The following SMYD1 variants were observed in gnomAD, a reference collection of about 807,000 sequenced individuals.
SMYD1 encodes histone-lysine N-methyltransferase SMYD1.
A neutral mutation model predicts 54.0 loss-of-function variants in SMYD1; 49 were observed. The ratio of observed to expected loss-of-function variants is 0.91; its 90% CI spans 0.72 to 1.15. The LOEUF (loss-of-function observed/expected upper bound fraction) is 1.15, where lower values mean the gene tolerates loss of function less well. SMYD1 is among the 50% of genes most tolerant of loss of function. The probability of loss-of-function intolerance (pLI) is 0.00; values close to 1 mark genes in which losing one functional copy is unlikely to be tolerated. For synonymous variants in SMYD1, 269 were observed against 234.2 expected, an observed-to-expected ratio of 1.15 and a Z score of -1.36; for missense variants, 653 against 639.6, an observed-to-expected ratio of 1.02 and a Z score of -0.23.
In SMYD1 at chr2:88,111,843, G is replaced by T; in HGVS notation, c.*1331G>T. On this transcript the variant is annotated 3_prime_UTR_variant, in exon 10 of 10. Coordinates refer to ENST00000419482, the MANE Select transcript of SMYD1 (RefSeq NM_198274.4). The stretch of plus-strand genomic sequence containing the variant: ...GGAAAAGATCCCTTCAGTTTGGGGT[G>T]TCACCAAGACTTCTACACAACCCAG... 1 of 461,360 alleles carries T rather than the reference G, an allele frequency of 2.2e-6. No homozygotes were observed. Among genetic ancestry groups the T allele is most frequent in the East Asian group, 3.3e-5 (1 of 30,480 alleles). The allele number at this position is 461,360 out of a possible 1,614,324, so 28.6% of individuals were successfully genotyped here.
chr2:88,073,241 G>T (rs925479895), intron 1 of SMYD1, among the ~76,000 whole-genome samples: 1 of 152,172 alleles, frequency 6.6e-6, no homozygotes, highest in African/African-American at 2.4e-5. Context: ...ACGTGATTTT[G>T]TTCTTTTTTA....
At chr2:88,102,059 A>T (rs1023739572) in intron 6 of SMYD1, among the ~76,000 whole-genome samples, 1 of 151,676 alleles carries the variant, frequency 6.6e-6, no homozygotes, top group African/African-American at 2.4e-5. Flanking sequence ...GGTTCTAGGG[A>T]TTTCTTTTTT....
chr2:88,069,689 A>G (rs779650836), intron 1 of SMYD1, among the ~76,000 whole-genome samples: 1 of 152,242 alleles, frequency 6.6e-6, no homozygotes, highest in Non-Finnish European at 1.5e-5. Flanking sequence ...AGGCATTGTC[A>G]TTTTAGAAAA....
chr2:88,079,623 T>A (rs1674143233), intron 1 of SMYD1, among the ~76,000 whole-genome samples: 1 of 152,116 alleles, frequency 6.6e-6, no homozygotes, highest in Non-Finnish European at 1.5e-5. Context: ...AGTTCCAGAC[T>A]AGCCTGACCA....
At chr2:88,108,574 G>A in intron 9 of SMYD1, 35 bp downstream of exon 9, 1 of 1,525,954 alleles carries the variant, frequency 6.6e-7, no homozygotes. Context: ...TTCCCTTCCT[G>A]GCCTGAGCTT....
rs113530320 is a variant in SMYD1, at chr2:88,108,410, C to T, written c.1185C>T (p.Ala395=). 6.7e-4 allele frequency: 1,083 copies of T among 1,608,992 alleles called. No individual in the cohort carries two copies. Among genetic ancestry groups the T allele is most frequent in the Middle Eastern group, 2.2e-3 (13 of 6,038 alleles). The change falls in exon 9 of 10, where the codon GCC becomes GCT. Residue 395 remains alanine (A), a synonymous_variant. Transcript: ENST00000419482. The part of the protein sequence containing the change: ...YHPNNAQLGM[A]VMRAGLTNWH... ...CCAACAATGCCCAACTGGGCATGGCCGTGATGCGGGCAGGGCTGACCAACT... is the reference window on the plus strand; with the variant it reads ...CCAACAATGCCCAACTGGGCATGGCTGTGATGCGGGCAGGGCTGACCAACT...
intron 7 of SMYD1, among the ~76,000 whole-genome samples, chr2:88,104,068 G>A (rs924821261): frequency 1.3e-4 from 20 of 151,060 alleles, no homozygotes; most frequent in Non-Finnish European, 2.2e-4. Context: ...CCAGGTTCAC[G>A]CCATTCTCCT....
At position 88,112,032 on chromosome 2, in the gene SMYD1, T is replaced by C; in HGVS notation, c.*1520T>C. 1.4e-6 allele frequency: 1 copy of C among 702,846 alleles called. No individual in the cohort carries two copies. Among genetic ancestry groups the C allele is most frequent in the African/African-American group, 1.7e-5 (1 of 57,352 alleles). The allele number at this position is 702,846 out of a possible 1,614,324, so 43.5% of individuals were successfully genotyped here. On this transcript the variant is annotated 3_prime_UTR_variant, in exon 10 of 10. Transcript: ENST00000419482. ...ACCCAGTGGCTGAAAACTCTGCAAA[T>C]GGGCCACACTTTTGCAAAATACTTG...
At chr2:88,089,457 T>C (rs1674413485) in intron 3 of SMYD1, among the ~76,000 whole-genome samples, 1 of 152,194 alleles carries the variant, frequency 6.6e-6, no homozygotes, top group South Asian at 2.1e-4. Flanking sequence ...GCTTTCAGTA[T>C]TTCTATTTTA....
chr2:88,106,463 G>A lies in SMYD1; in HGVS notation c.1120G>A (p.Ala374Thr), dbSNP rs767776742. The stretch of plus-strand genomic sequence containing the variant: ...GGCCTTTGAGGAGGCCTCGTTCTAT[G>A]CCAGGAGGATGGTGGACGGCTATAT... Reference protein sequence around the residue: ...LQAFEEASFYARRMVDGYMKL... With the variant: ...LQAFEEASFYTRRMVDGYMKL... The change falls in exon 8 of 10, where the codon GCC becomes ACC. Residue 374 changes from alanine to threonine, a missense_variant. Ala to Thr is a moderately conservative substitution (Grantham distance 58, BLOSUM62 0). Transcript: ENST00000419482. 4 of 1,614,136 alleles carry A rather than the reference G, an allele frequency of 2.5e-6. No homozygotes were observed. Among genetic ancestry groups the A allele is most frequent in the Non-Finnish European group, 3.4e-6 (4 of 1,179,984 alleles).
At position 88,088,054 on chromosome 2, in the gene SMYD1, C is replaced by G; in HGVS notation, c.507C>G (p.Tyr169Ter). The G allele has an allele frequency of 1.9e-6, 3 of 1,613,876 alleles. No homozygotes were observed. Among genetic ancestry groups the G allele is most frequent in the Non-Finnish European group, 2.5e-6 (3 of 1,179,858 alleles). ...AGAGCCAGCAGTTCAGCATGCAGTACATCTCGCACATCTTCGGAGTGGTAG... is the reference window on the plus strand; with the variant it reads ...AGAGCCAGCAGTTCAGCATGCAGTAGATCTCGCACATCTTCGGAGTGGTAG... ...PPQSQQFSMQ[Y>*]ISHIFGVINC... Residue 169 changes from tyrosine to a stop codon, truncating the protein, a stop_gained, in exon 3 of 10, where the codon TAC (tyrosine) becomes TAG (stop). Coordinates refer to ENST00000419482, the MANE Select transcript of SMYD1 (RefSeq NM_198274.4). LOFTEE classifies it high-confidence loss of function.
rs990811338 is a variant in SMYD1 at position 88,089,594 on chromosome 2, T to G, written c.529-1418T>G. On this transcript the variant is annotated intron_variant, in intron 3 of 9. Transcript: ENST00000419482. The stretch of plus-strand genomic sequence containing the variant: ...GCCAGAGCTTCTACCTGTTTTTTTT[T>G]TTTTTTTTTTTTTTTGAGATGAGGG... 1.3e-4 allele frequency among the ~76,000 whole-genome samples: 19 copies of G among 144,566 alleles called. 2 individuals carry two copies. The East Asian group carries it at 1.6e-3, about 12-fold the overall frequency. 94.8% of individuals were successfully genotyped at this position (144,566 alleles called of 152,430 possible). A position where few individuals can be genotyped will look rare whatever the true frequency, so the allele number is the denominator to read the frequency against.
At chr2:88,081,522 T>C (rs1408983857) in intron 1 of SMYD1, among the ~76,000 whole-genome samples, 3 of 151,576 alleles carry the variant, frequency 2.0e-5, no homozygotes, top group Non-Finnish European at 4.4e-5. Context: ...CTGCAACCTC[T>C]GTCCCTGGGT....
At chr2:88,091,172 T>G in intron 4 of SMYD1, 30 bp downstream of exon 4, 1 of 1,607,728 alleles carries the variant, frequency 6.2e-7, no homozygotes, top group Admixed American at 1.7e-5. Context: ...GGGGTGTGTG[T>G]GAAGGGGATG....
intron 2 of SMYD1, among the ~76,000 whole-genome samples, chr2:88,086,251 CA>C (rs1244188146): frequency 6.6e-6 from 1 of 152,124 alleles, no homozygotes; most frequent in East Asian, 1.9e-4. Context: ...TGTGAATCTG[CA>C]ATTATCTCAA....
Position 88,105,359 on chromosome 2 carries a change from A to G in SMYD1, c.982-966A>G, listed in dbSNP as rs957191405. ...GATATATAAATATATTTGTATATGTATATATGCGCATGCATATATACACAC... is the reference window on the plus strand; with the variant it reads ...GATATATAAATATATTTGTATATGTGTATATGCGCATGCATATATACACAC... On this transcript the variant is annotated intron_variant, in intron 7 of 9. Coordinates refer to ENST00000419482, the MANE Select transcript of SMYD1 (RefSeq NM_198274.4). 4.3e-5 allele frequency among the ~76,000 whole-genome samples: 6 copies of G among 139,252 alleles called. No individual in the cohort carries two copies. In the Admixed American group the frequency reaches 4.4e-4, roughly 10 times the overall value. 91.4% of individuals were successfully genotyped at this position (139,252 alleles called of 152,430 possible). A position where few individuals can be genotyped will look rare whatever the true frequency, so the allele number is the denominator to read the frequency against.
rs377564961 is a variant in SMYD1, at chr2:88,112,458, T to C, written c.*1946T>C. ...CCCTGCTTTGACCCCCAGACTTTGC[T>C]CCATCTATTATTGCTTCTCCATCCT... On this transcript the variant is annotated 3_prime_UTR_variant, in exon 10 of 10. Coordinates refer to ENST00000419482, the MANE Select transcript of SMYD1 (RefSeq NM_198274.4). 6 of 362,858 alleles carry C rather than the reference T, an allele frequency of 1.7e-5. No individual in the cohort carries two copies. The highest frequency in any genetic ancestry group is 9.0e-5 in the South Asian group (2 of 22,190). 22.5% of individuals were successfully genotyped at this position (362,858 alleles called of 1,614,324 possible).
intron 6 of SMYD1, among the ~76,000 whole-genome samples, chr2:88,101,369 T>G (rs1017405056): frequency 6.6e-6 from 1 of 152,248 alleles, no homozygotes; most frequent in African/African-American, 2.4e-5. Context: ...TTACATTTAT[T>G]AAAATGATGA....
chr2:88,073,473 G>A (rs1241385551), intron 1 of SMYD1, among the ~76,000 whole-genome samples: 2 of 152,164 alleles, frequency 1.3e-5, no homozygotes, highest in Admixed American at 6.5e-5. Flanking sequence ...TTAGTTTTTT[G>A]AGAACTCTCC....
Sources: gnomAD v4.1 joint callset for allele counts (sites outside exome capture counted in the v4.1 genomes callset) on GRCh38, gnomAD v4.1.1 for gene constraint, MANE v1.5 for transcripts, NCBI Gene and HGNC (gene_info 2026-07-23, HGNC 2026-07-21) for gene names.